A2M: variants seen among roughly 807,000 people sequenced by gnomAD.
A2M encodes C3 and PZP-like alpha-2-macroglobulin domain-containing protein 5.
A2M carries 128 observed loss-of-function variants against 183.9 expected under a neutral mutation model. The ratio of observed to expected loss-of-function variants is 0.70; its 90% CI spans 0.60 to 0.81. The LOEUF (loss-of-function observed/expected upper bound fraction) is 0.81, where lower values mean the gene tolerates loss of function less well. A2M is among the 30% of genes least tolerant of loss of function. A2M has a pLI of 0.00. For synonymous variants in A2M, 592 were observed against 670.8 expected (o/e 0.88, Z 1.81); for missense variants, 1,495 against 1,787.6 (o/e 0.84, Z 2.95).
intron 28 of A2M, among the ~76,000 whole-genome samples, chr12:9,075,224 T>C (rs1171853677): frequency 6.6e-6 from 1 of 152,066 alleles, no homozygotes; most frequent in Non-Finnish European, 1.5e-5. Context: ...AATACAGTAA[T>C]CCTTGAAATA....
At chr12:9,068,914 A>C in intron 33 of A2M, 72 bp from the exon 34 acceptor site, 7 of 1,138,094 alleles carry the variant, frequency 6.2e-6, no homozygotes, top group Non-Finnish European at 8.7e-6. Flanking sequence ...TTAAGTATTC[A>C]CCTGTTTTTT....
chr12:9,075,162 A>G (rs1439003333), intron 28 of A2M, among the ~76,000 whole-genome samples: 2 of 152,206 alleles, frequency 1.3e-5, no homozygotes, highest in Non-Finnish European at 2.9e-5. Context: ...TCTTGTGAGG[A>G]TCACAGATCA....
chr12:9,105,329 C>T (rs956011267), intron 10 of A2M, among the ~76,000 whole-genome samples: 1 of 152,144 alleles, frequency 6.6e-6, no homozygotes, highest in Non-Finnish European at 1.5e-5. Flanking sequence ...GGATATTTAA[C>T]AGCAATAAAA....
At chr12:9,075,546 C>T (rs1324427183) in intron 28 of A2M, among the ~76,000 whole-genome samples, 1 of 152,192 alleles carries the variant, frequency 6.6e-6, no homozygotes, top group African/African-American at 2.4e-5. Context: ...TGACTCTGCA[C>T]ATACTTGTAT....
rs1033656635 is a variant in A2M at position 9,095,611 on chromosome 12, A to C, written c.1941T>G (p.Asn647Lys). Residue 647 changes from asparagine to lysine, a missense_variant, in exon 16 of 36, where the codon AAT becomes AAG. Transcript: ENST00000318602. ...TATATGTGATTCCATTAATATAGAC[A>C]TTATGACGATTGATGCAGTCTTCAT... is the stretch of plus-strand genomic sequence containing the variant. ...QDNEDCINRH[N>K]VYINGITYTP... 6.2e-7 allele frequency: 1 copy of C among 1,611,782 alleles called. No individual in the cohort carries two copies. The highest frequency in any genetic ancestry group is 1.7e-5 in the Admixed American group (1 of 60,026).
chr12:9,110,529 G>A (rs900155988), intron 4 of A2M, among the ~76,000 whole-genome samples, 195 bp from the exon 5 acceptor site: 2 of 151,604 alleles, frequency 1.3e-5, no homozygotes, highest in African/African-American at 4.8e-5. Flanking sequence ...TGAGGGGATG[G>A]GTACTCCATT....
At chr12:9,086,588 A>G (rs1190512328) in intron 22 of A2M, among the ~76,000 whole-genome samples, 3 of 152,212 alleles carry the variant, frequency 2.0e-5, no homozygotes, top group Admixed American at 1.3e-4. Context: ...ACAGAATTCA[A>G]TGCTCTTTTA....
intron 19 of A2M, 181 bp from the exon 20 acceptor site, chr12:9,090,663 G>C: frequency 1.6e-6 from 1 of 610,932 alleles, no homozygotes; most frequent in Non-Finnish European, 2.7e-6. Context: ...GATTTACACA[G>C]GTAAATCTGA....
chr12:9,101,391 G>C, intron 12 of A2M, 56 bp downstream of exon 12: 12 of 1,448,562 alleles, frequency 8.3e-6, no homozygotes, highest in Admixed American at 1.9e-5. Flanking sequence ...ATGATTACTT[G>C]CTCCACAGAG....
intron 33 of A2M, 139 bp from the exon 34 acceptor site, chr12:9,068,981 A>C (rs1948480769): frequency 1.8e-6 from 1 of 556,284 alleles, no homozygotes; most frequent in African/African-American, 1.9e-5. Context: ...TAAATTGTGC[A>C]GAAATCTCTC....
chr12:9,087,212 A>G (rs1461514893), intron 22 of A2M, among the ~76,000 whole-genome samples: 2 of 146,058 alleles, frequency 1.4e-5, no homozygotes, highest in Non-Finnish European at 3.0e-5. Context: ...AGCAATCTAC[A>G]TATTGAATGT....
At chr12:9,095,162 T>C (rs1010249385) in intron 16 of A2M, 78 bp from the exon 17 acceptor site, 2 of 733,618 alleles carry the variant, frequency 2.7e-6, no homozygotes, top group Non-Finnish European at 4.2e-6. Flanking sequence ...TTTATTGAAT[T>C]TGACAAGCAA....
chr12:9,081,828 C>G (rs981702858), intron 22 of A2M, among the ~76,000 whole-genome samples: 2 of 152,186 alleles, frequency 1.3e-5, no homozygotes, highest in African/African-American at 2.4e-5. Context: ...CAGGTAGAAA[C>G]AAAGAAGGAC....
At chr12:9,079,611 G>C in intron 24 of A2M, 28 bp downstream of exon 24, 1 of 1,598,808 alleles carries the variant, frequency 6.3e-7, no homozygotes, top group Non-Finnish European at 8.5e-7. Flanking sequence ...TAACATTCAA[G>C]TTTTCCCTTA....
intron 33 of A2M, among the ~76,000 whole-genome samples, 178 bp downstream of exon 33, chr12:9,069,567 C>T (rs1317557661): frequency 2.0e-5 from 3 of 152,118 alleles, no homozygotes; most frequent in Admixed American, 2.0e-4. Context: ...CCATTTCTAC[C>T]TGTAATCCCT....
rs755149170 is a variant in A2M, at chr12:9,072,738, C to T, written c.3890G>A (p.Arg1297His). Residue 1297 changes from arginine (R) to histidine (H), a missense_variant, in exon 30 of 36, where the codon CGC (arginine) becomes CAC (histidine). Arg to His is a conservative substitution (Grantham distance 29). Transcript: ENST00000318602. The part of the protein sequence containing the change: ...SSKFQVDNNN[R>H]LLLQQVSLPE... The stretch of plus-strand genomic sequence containing the variant: ...CAATGAGACCTGCTGCAGTAACAGG[C>T]GGTTGTTGTTGTCCACTTGGAATTT... The T allele has an allele frequency of 8.1e-6, 13 of 1,614,060 alleles. No homozygotes were observed. Among genetic ancestry groups the T allele is most frequent in the East Asian group, 4.5e-5 (2 of 44,886 alleles).
chr12:9,084,163 AT>A (rs1248464502), intron 22 of A2M, among the ~76,000 whole-genome samples: 1 of 152,202 alleles, frequency 6.6e-6, no homozygotes, highest in African/African-American at 2.4e-5. Flanking sequence ...AGTCGTCAAC[AT>A]TAGGCCTGCC....
chr12:9,102,253 G>A (rs1274422118), intron 11 of A2M, among the ~76,000 whole-genome samples: 1 of 151,990 alleles, frequency 6.6e-6, no homozygotes, highest in Non-Finnish European at 1.5e-5. Context: ...TTTTGCTCTG[G>A]CGCCCATGCT....
intron 21 of A2M, 70 bp downstream of exon 21, chr12:9,089,832 C>A: frequency 1.0e-6 from 1 of 969,360 alleles, no homozygotes; most frequent in Non-Finnish European, 1.5e-6. Flanking sequence ...TATAAAATAT[C>A]CATATATTAT....
Sources: allele counts gnomAD v4.1 joint callset (sites outside exome capture counted in the v4.1 genomes callset), GRCh38; gene constraint gnomAD v4.1.1; transcripts MANE v1.5; gene names NCBI Gene and HGNC (gene_info 2026-07-23, HGNC 2026-07-21).